ATXN7L1: variants seen among roughly 807,000 people sequenced by gnomAD.
The protein encoded by ATXN7L1 is ataxin 7 like 1, also known as ataxin-7-like protein 1.
Under a neutral mutation model 70.8 loss-of-function variants are expected in ATXN7L1, and 15 were observed. The ratio of observed to expected loss-of-function variants is 0.21; its 90% CI spans 0.14 to 0.33. The LOEUF is 0.33. ATXN7L1 is among the 10% of genes least tolerant of loss of function. The pLI, the probability that ATXN7L1 is intolerant of heterozygous loss-of-function variation, is 1.00. For synonymous variants in ATXN7L1, 440 were observed against 445.1 expected (o/e 0.99, Z 0.14); for missense variants, 975 against 1,097.1 (o/e 0.89, Z 1.57).
rs540729078 is a variant in ATXN7L1, at chr7:105,703,032, C to T, written c.356-37744G>A. On this transcript the variant is annotated intron_variant, in intron 3 of 11. Transcript: ENST00000419735. Reference sequence around the variant, plus strand: ...TTGGGAGGCTGAGGCAGGAGAATGGCGTGAACCTAGGAGGCGGAGCTTGCA... The same window carrying T: ...TTGGGAGGCTGAGGCAGGAGAATGGTGTGAACCTAGGAGGCGGAGCTTGCA... Among the ~76,000 whole-genome samples the T allele has an allele frequency of 5.3e-5, 8 of 152,304 alleles. No homozygotes were observed. The South Asian group carries it at 8.3e-4, about 16-fold the overall frequency.
intron 2 of ATXN7L1, among the ~76,000 whole-genome samples, chr7:105,847,285 T>A (rs1814196552): frequency 6.6e-6 from 1 of 151,922 alleles, no homozygotes; most frequent in Non-Finnish European, 1.5e-5. Context: ...ACATTGGGAG[T>A]TGGCCACTAG....
intron 2 of ATXN7L1, among the ~76,000 whole-genome samples, chr7:105,864,643 C>CT (rs1383516700): frequency 3.6e-5 from 5 of 138,860 alleles, no homozygotes; most frequent in Admixed American, 7.2e-5. Context: ...TTTTTTTTTT[C>CT]TTTTTTTTGA....
intron 3 of ATXN7L1, among the ~76,000 whole-genome samples, chr7:105,746,450 T>C (rs1201897718): frequency 1.4e-4 from 22 of 152,230 alleles, no homozygotes; most frequent in Admixed American, 1.4e-3. Flanking sequence ...CCCAGGGGCA[T>C]GAGAGCCTGG....
intron 4 of ATXN7L1, among the ~76,000 whole-genome samples, chr7:105,664,575 G>GTGTGTATGTGTGTATATA: frequency 1.5e-5 from 2 of 131,986 alleles, no homozygotes; most frequent in African/African-American, 5.7e-5. Flanking sequence ...GTATGTGTGT[G>GTGTGTATGTGTGTATATA]TATATATATA....
intron 2 of ATXN7L1, among the ~76,000 whole-genome samples, chr7:105,855,242 T>C (rs1318690840): frequency 6.6e-6 from 1 of 152,230 alleles, no homozygotes; most frequent in Non-Finnish European, 1.5e-5. Flanking sequence ...CGTGAGCCAC[T>C]GTGGGTAGTA....
chr7:105,786,428 G>A (rs150001930), intron 3 of ATXN7L1, among the ~76,000 whole-genome samples: 87 of 152,270 alleles, frequency 5.7e-4, no homozygotes, highest in African/African-American at 2.0e-3. Context: ...GGGGACAGCG[G>A]GGTCCCATGT....
chr7:105,629,522 A>AT (rs917471100), intron 7 of ATXN7L1, among the ~76,000 whole-genome samples: 22 of 145,732 alleles, frequency 1.5e-4, no homozygotes, highest in Middle Eastern at 3.3e-3. Flanking sequence ...TTACTTATTT[A>AT]TTTTTTTTTT....
At chr7:105,781,598 A>C (rs1397001814) in intron 3 of ATXN7L1, among the ~76,000 whole-genome samples, 1 of 151,752 alleles carries the variant, frequency 6.6e-6, no homozygotes, top group Admixed American at 6.6e-5. Context: ...ACAAGTGAAA[A>C]CTCTGGACAA....
At chr7:105,871,504 G>C (rs1345168143) in intron 2 of ATXN7L1, among the ~76,000 whole-genome samples, 2 of 152,186 alleles carry the variant, frequency 1.3e-5, no homozygotes, top group Admixed American at 6.5e-5. Context: ...CTGAGGTCTG[G>C]AGTTCGAGAC....
intron 10 of ATXN7L1, among the ~76,000 whole-genome samples, chr7:105,612,389 C>T (rs1311421791): frequency 1.3e-5 from 2 of 152,334 alleles, no homozygotes; most frequent in Admixed American, 6.5e-5. Flanking sequence ...TGAGATACCA[C>T]GGCCTTGCTG....
chr7:105,626,356 G>A (rs1289759440), intron 7 of ATXN7L1, among the ~76,000 whole-genome samples: 1 of 152,230 alleles, frequency 6.6e-6, no homozygotes, highest in African/African-American at 2.4e-5. Flanking sequence ...GGAGTTGGAA[G>A]GAGCGGGGAA....
chr7:105,799,868 G>A (rs547706246), intron 2 of ATXN7L1, among the ~76,000 whole-genome samples: 1 of 152,304 alleles, frequency 6.6e-6, no homozygotes, highest in Non-Finnish European at 1.5e-5. Context: ...ATTCTCCCAG[G>A]AATGGGTGCT....
At chr7:105,824,235 C>T (rs1309141105) in intron 2 of ATXN7L1, among the ~76,000 whole-genome samples, 1 of 152,064 alleles carries the variant, frequency 6.6e-6, no homozygotes, top group African/African-American at 2.4e-5. Context: ...CAATGTAATC[C>T]CCCTTTACAA....
At chr7:105,735,869 C>A (rs1797316209) in intron 3 of ATXN7L1, among the ~76,000 whole-genome samples, 1 of 152,062 alleles carries the variant, frequency 6.6e-6, no homozygotes, top group African/African-American at 2.4e-5. Context: ...TTAATCAAAT[C>A]TATATTAATC....
chr7:105,715,470 A>G (rs566463950), intron 3 of ATXN7L1, among the ~76,000 whole-genome samples: 1 of 152,348 alleles, frequency 6.6e-6, no homozygotes, highest in South Asian at 2.1e-4. Flanking sequence ...TTACAACAGC[A>G]TGAATCTTGA....
chr7:105,849,569 C>T (rs1330931691), intron 2 of ATXN7L1, among the ~76,000 whole-genome samples: 1 of 152,230 alleles, frequency 6.6e-6, no homozygotes, highest in Admixed American at 6.5e-5. Flanking sequence ...TGGTTTCCCA[C>T]CCTCTTGGAG....
Position 105,876,571 on chromosome 7 carries a change from C to A in ATXN7L1, c.-13G>T, listed in dbSNP as rs1246911450. 2.5e-6 allele frequency: 4 copies of A among 1,597,080 alleles called. No individual in the cohort carries two copies. The highest frequency in any genetic ancestry group is 1.1e-5 in the South Asian group (1 of 89,634). ...GCTCCGACGTCATCTTCGGAACGTT[C>A]CGACATTGAGTGTTCTGAAAGGGGG... On this transcript the variant is annotated 5_prime_UTR_variant, in exon 1 of 12. It introduces an in-frame stop codon into an upstream open reading frame of the 5' UTR. Coordinates refer to ENST00000419735, the MANE Select transcript of ATXN7L1 (RefSeq NM_020725.2).
At chr7:105,840,264 T>A (rs1563135235) in intron 2 of ATXN7L1, among the ~76,000 whole-genome samples, 2 of 152,174 alleles carry the variant, frequency 1.3e-5, no homozygotes, top group African/African-American at 4.8e-5. Context: ...TAAAGCTGGA[T>A]TGGAGAGTCA....
At chr7:105,861,661 C>CCA (rs1032741523) in intron 2 of ATXN7L1, among the ~76,000 whole-genome samples, 5 of 152,192 alleles carry the variant, frequency 3.3e-5, no homozygotes, top group African/African-American at 1.2e-4. Context: ...GTCAGAATCG[C>CCA]CACACACAGG....
Sources: gnomAD v4.1 joint callset for allele counts (sites outside exome capture counted in the v4.1 genomes callset) on GRCh38, gnomAD v4.1.1 for gene constraint, MANE v1.5 for transcripts, NCBI Gene and HGNC (gene_info 2026-07-23, HGNC 2026-07-21) for gene names.